Variants in ZNF423 observed in about 807,000 individuals in gnomAD.
ZNF423 encodes the protein zinc finger protein 423.
ZNF423 carries 12 observed loss-of-function variants against 95.8 expected under a neutral mutation model. The ratio of observed to expected loss-of-function variants is 0.13; its 90% CI spans 0.08 to 0.20. The LOEUF (loss-of-function observed/expected upper bound fraction) is 0.20, where lower values mean the gene tolerates loss of function less well. Ranked by LOEUF, ZNF423 falls within the 10% of genes least tolerant of loss-of-function variation. The pLI is 1.00. For synonymous variants in ZNF423, 749 were observed against 711.9 expected, an observed-to-expected ratio of 1.05 and a Z score of -0.83; for missense variants, 1,316 against 1,737.1, an observed-to-expected ratio of 0.76 and a Z score of 4.31.
At chr16:49,593,053 A>T (rs1490766935) in intron 5 of ZNF423, among the ~76,000 whole-genome samples, 3 of 152,144 alleles carry the variant, frequency 2.0e-5, no homozygotes, top group Non-Finnish European at 2.9e-5. Flanking sequence ...GATTTGGAGG[A>T]AAGGTTGTAT....
chr16:49,843,983 G>T (rs992105812), intron 1 of ZNF423, among the ~76,000 whole-genome samples: 11 of 152,164 alleles, frequency 7.2e-5, no homozygotes, highest in Non-Finnish European at 1.3e-4. Flanking sequence ...AGGTTATTGA[G>T]TTGAACATTC....
At chr16:49,722,860 G>A (rs1447624465) in intron 3 of ZNF423, among the ~76,000 whole-genome samples, 1 of 152,102 alleles carries the variant, frequency 6.6e-6, no homozygotes, top group Non-Finnish European at 1.5e-5. Context: ...GATGGTGTTG[G>A]CAAACTTTTT....
At chr16:49,612,284 C>G (rs1055392475) in intron 5 of ZNF423, among the ~76,000 whole-genome samples, 11 of 151,572 alleles carry the variant, frequency 7.3e-5, no homozygotes, top group Non-Finnish European at 1.3e-4. Flanking sequence ...GAAGTATACA[C>G]CATGACCAAA....
At chr16:49,558,338 G>A (rs1969905376) in intron 5 of ZNF423, among the ~76,000 whole-genome samples, 1 of 152,180 alleles carries the variant, frequency 6.6e-6, no homozygotes, top group African/African-American at 2.4e-5. Flanking sequence ...AAGCACCCCA[G>A]GAGCATTAGC....
At chr16:49,789,356 G>A (rs750862739) in intron 2 of ZNF423, 131 bp downstream of exon 2, 12 of 764,784 alleles carry the variant, frequency 1.6e-5, no homozygotes, top group Non-Finnish European at 2.3e-5. Context: ...TGTTGCATGG[G>A]GTAGTCTGGA....
intron 7 of ZNF423, among the ~76,000 whole-genome samples, chr16:49,508,170 C>A (rs1447542968): frequency 1.3e-5 from 2 of 152,068 alleles, no homozygotes; most frequent in African/African-American, 4.8e-5. Flanking sequence ...CAATGCCGGG[C>A]ACTCAAAAAG....
chr16:49,583,964 C>A (rs887141682), intron 5 of ZNF423, among the ~76,000 whole-genome samples: 3 of 152,214 alleles, frequency 2.0e-5, no homozygotes, highest in Non-Finnish European at 4.4e-5. Context: ...CAGTCACAGA[C>A]CCAGCTTGTT....
intron 1 of ZNF423, among the ~76,000 whole-genome samples, chr16:49,843,396 G>A (rs2035211637): frequency 6.6e-6 from 1 of 152,118 alleles, no homozygotes; most frequent in African/African-American, 2.4e-5. Flanking sequence ...AACCCTGGCT[G>A]CACATTCCAA....
At chr16:49,539,277 G>A (rs1262523772) in intron 5 of ZNF423, among the ~76,000 whole-genome samples, 2 of 152,160 alleles carry the variant, frequency 1.3e-5, no homozygotes, top group East Asian at 1.9e-4. Flanking sequence ...CTTCATGTCC[G>A]GGAGCAAGGC....
At chr16:49,686,190 A>G (rs1369331564) in intron 3 of ZNF423, among the ~76,000 whole-genome samples, 1 of 152,152 alleles carries the variant, frequency 6.6e-6, no homozygotes, top group East Asian at 1.9e-4. Flanking sequence ...TCACTGTTGT[A>G]TGCCCAGCAC....
chr16:49,750,951 C>T (rs746563506), intron 2 of ZNF423, among the ~76,000 whole-genome samples: 7 of 152,052 alleles, frequency 4.6e-5, no homozygotes, highest in East Asian at 1.9e-4. Flanking sequence ...AAGAACCAAG[C>T]GGAGGCCAGT....
chr16:49,827,026 A>C (rs550768461), intron 1 of ZNF423: 1 of 152,242 alleles, frequency 6.6e-6, no homozygotes, highest in Admixed American at 6.5e-5. Context: ...AGTTTTGTGT[A>C]GTATTCTTAT....
At chr16:49,787,295 A>G (rs2034330380) in intron 2 of ZNF423, among the ~76,000 whole-genome samples, 1 of 151,272 alleles carries the variant, frequency 6.6e-6, no homozygotes, top group Non-Finnish European at 1.5e-5. Flanking sequence ...TAAAAAAAAG[A>G]AAAAAAAAGA....
intron 1 of ZNF423, among the ~76,000 whole-genome samples, chr16:49,840,275 ACT>A (rs1294923626): frequency 2.0e-5 from 3 of 152,120 alleles, no homozygotes; most frequent in Non-Finnish European, 4.4e-5. Flanking sequence ...AAAAATTTTA[ACT>A]CTGTTTAATC....
intron 3 of ZNF423, among the ~76,000 whole-genome samples, chr16:49,645,799 A>G (rs2151897213): frequency 6.6e-6 from 1 of 152,270 alleles, no homozygotes; most frequent in East Asian, 1.9e-4. Flanking sequence ...TTCTAGCGAT[A>G]GTGAGTAAGT....
At chr16:49,687,876 G>A (rs922925209) in intron 3 of ZNF423, among the ~76,000 whole-genome samples, 2 of 151,870 alleles carry the variant, frequency 1.3e-5, no homozygotes, top group Admixed American at 6.6e-5. Flanking sequence ...AGTGCTTGAC[G>A]TCCTCCAGCA....
At chr16:49,622,501 T>C (rs901105633) in intron 5 of ZNF423, among the ~76,000 whole-genome samples, 1 of 152,132 alleles carries the variant, frequency 6.6e-6, no homozygotes, top group African/African-American at 2.4e-5. Context: ...TTCCAGAGCC[T>C]CCTCCTGATG....
At chr16:49,728,033 C>T (rs2033071545) in intron 3 of ZNF423, among the ~76,000 whole-genome samples, 1 of 152,194 alleles carries the variant, frequency 6.6e-6, no homozygotes, top group African/African-American at 2.4e-5. Context: ...AGGTGAATCG[C>T]TCCGACTGGA....
chr16:49,595,410 C>T (rs1250046392), intron 5 of ZNF423, among the ~76,000 whole-genome samples: 2 of 152,218 alleles, frequency 1.3e-5, no homozygotes, highest in African/African-American at 4.8e-5. Context: ...CTTAAATTCC[C>T]AGGCGCACTC....
Sources: allele counts gnomAD v4.1 joint callset (sites outside exome capture counted in the v4.1 genomes callset), GRCh38; gene constraint gnomAD v4.1.1; transcripts MANE v1.5; gene names NCBI Gene and HGNC (gene_info 2026-07-23, HGNC 2026-07-21).